The following TRAPPC9 variants were observed in gnomAD, a reference collection of about 807,000 sequenced individuals.
TRAPPC9 encodes the protein trafficking protein particle complex subunit 9, also known as IKK2 binding protein.
A neutral mutation model predicts 124.0 loss-of-function variants in TRAPPC9; 83 were observed. That is an observed-to-expected ratio of 0.67 (90% CI 0.56 to 0.80). The LOEUF (loss-of-function observed/expected upper bound fraction) is 0.80, where lower values mean the gene tolerates loss of function less well. Ranked by LOEUF, TRAPPC9 falls within the 30% of genes least tolerant of loss-of-function variation. TRAPPC9 has a pLI of 0.00. For missense variants in TRAPPC9, 1,302 were observed against 1,508.3 expected (o/e 0.86, Z 2.27); for synonymous variants, 638 against 617.5 (o/e 1.03, Z -0.49).
intron 5 of TRAPPC9, among the ~76,000 whole-genome samples, chr8:140,407,785 C>T (rs537632774): frequency 6.6e-6 from 1 of 152,198 alleles, no homozygotes; most frequent in Middle Eastern, 3.4e-3. Context: ...GCAAGCCCCA[C>T]TAATTTTTGT....
At chr8:140,014,881 C>G in intron 18 of TRAPPC9, among the ~76,000 whole-genome samples, 1 of 152,200 alleles carries the variant, frequency 6.6e-6, no homozygotes, top group East Asian at 1.9e-4. Flanking sequence ...AGGGCATGCC[C>G]TGGAGTCTAG....
At chr8:140,238,129 C>T (rs753676120) in intron 16 of TRAPPC9, among the ~76,000 whole-genome samples, 1 of 152,170 alleles carries the variant, frequency 6.6e-6, no homozygotes, top group Non-Finnish European at 1.5e-5. Flanking sequence ...GCGGAAAGGG[C>T]AGTAATGAGA....
intron 21 of TRAPPC9, among the ~76,000 whole-genome samples, chr8:139,850,469 G>A (rs766618422): frequency 6.6e-6 from 1 of 152,188 alleles, no homozygotes; most frequent in Non-Finnish European, 1.5e-5. Flanking sequence ...CCTTGTCCTG[G>A]GGAGAAACTG....
chr8:140,132,548 C>G (rs1369764390), intron 17 of TRAPPC9, among the ~76,000 whole-genome samples: 3 of 152,184 alleles, frequency 2.0e-5, no homozygotes, highest in Admixed American at 6.6e-5. Flanking sequence ...CCCACCAACG[C>G]AGAGCTTGAC....
At chr8:140,114,174 A>G (rs529776527) in intron 17 of TRAPPC9, among the ~76,000 whole-genome samples, 3 of 152,120 alleles carry the variant, frequency 2.0e-5, no homozygotes, top group East Asian at 1.9e-4. Context: ...CCTGTTTCCA[A>G]TCCCCTCACC....
At chr8:139,814,106 CAAG>C (rs1331191154) in intron 21 of TRAPPC9, among the ~76,000 whole-genome samples, 12 of 152,248 alleles carry the variant, frequency 7.9e-5, no homozygotes, top group Non-Finnish European at 1.5e-5. Flanking sequence ...CGAAGCCCGG[CAAG>C]AAGAATCACG....
At chr8:139,874,993 G>A (rs538816295) in intron 21 of TRAPPC9, among the ~76,000 whole-genome samples, 31 of 152,326 alleles carry the variant, frequency 2.0e-4, no homozygotes, top group African/African-American at 7.2e-4. Flanking sequence ...GAACAGATGA[G>A]GGGACGCTGG....
intron 15 of TRAPPC9, among the ~76,000 whole-genome samples, chr8:140,266,199 G>C (rs2064646913): frequency 6.6e-6 from 1 of 152,166 alleles, no homozygotes; most frequent in Non-Finnish European, 1.5e-5. Context: ...GGTCACGCCT[G>C]TAATACAGGA....
intron 21 of TRAPPC9, among the ~76,000 whole-genome samples, chr8:139,802,170 G>A (rs1175748249): frequency 6.6e-6 from 1 of 152,218 alleles, no homozygotes; most frequent in Admixed American, 6.5e-5. Context: ...CTCTGTGCCA[G>A]GCGGGGAGCA....
intron 9 of TRAPPC9, among the ~76,000 whole-genome samples, chr8:140,329,298 T>G (rs886408725): frequency 6.6e-6 from 1 of 152,194 alleles, no homozygotes; most frequent in South Asian, 2.1e-4. Context: ...GAGAAACATC[T>G]GTTGGGATCA....
intron 19 of TRAPPC9, among the ~76,000 whole-genome samples, chr8:139,911,960 G>A (rs377635052): frequency 3.9e-5 from 6 of 152,046 alleles, no homozygotes; most frequent in Non-Finnish European, 7.4e-5. Flanking sequence ...CATGACATGC[G>A]GGGCTGAGCC....
chr8:139,787,170 G>A (rs1157924580), intron 21 of TRAPPC9, among the ~76,000 whole-genome samples: 3 of 152,176 alleles, frequency 2.0e-5, no homozygotes, highest in Admixed American at 6.5e-5. Context: ...GCTGACGGGC[G>A]TGAGTGAGTG....
At chr8:140,253,012 C>T in intron 15 of TRAPPC9, 83 bp from the exon 16 acceptor site, 2 of 1,384,494 alleles carry the variant, frequency 1.4e-6, no homozygotes, top group Admixed American at 1.8e-5. Context: ...AATTCTGATG[C>T]ATTCTCAAAA....
chr8:140,306,492 C>CAA (rs11447991), intron 10 of TRAPPC9, among the ~76,000 whole-genome samples: 3,624 of 115,178 alleles, frequency 0.031, 170 homozygotes, highest in African/African-American at 0.1. Flanking sequence ...GACTCTGTCT[C>CAA]AAAAAAAAAA....
At chr8:140,102,867 C>G (rs535348727) in intron 17 of TRAPPC9, among the ~76,000 whole-genome samples, 1 of 152,290 alleles carries the variant, frequency 6.6e-6, no homozygotes, top group East Asian at 1.9e-4. Flanking sequence ...CCCCACTGAG[C>G]GAGGGGCTGG....
At chr8:140,033,679 T>TTTTTG (rs1840677538) in intron 17 of TRAPPC9, among the ~76,000 whole-genome samples, 3 of 113,700 alleles carry the variant, frequency 2.6e-5, no homozygotes, top group African/African-American at 7.6e-5. Flanking sequence ...TTTTTTTTTT[T>TTTTTG]TTTTTTTTTT....
chr8:140,213,275 ATTTTGTGTCT>A (rs1479342154), intron 17 of TRAPPC9, among the ~76,000 whole-genome samples: 2 of 152,038 alleles, frequency 1.3e-5, no homozygotes, highest in African/African-American at 4.8e-5. Flanking sequence ...AAGCATTGGT[ATTTTGTGTCT>A]TCTAAGGAAT....
intron 9 of TRAPPC9, among the ~76,000 whole-genome samples, chr8:140,358,739 G>A (rs74836722): frequency 2.6e-5 from 4 of 152,178 alleles, no homozygotes; most frequent in African/African-American, 4.8e-5. Flanking sequence ...CAGCAGTGAC[G>A]GCACAGCACT....
chr8:140,304,539 C>T (rs551479693), intron 10 of TRAPPC9, among the ~76,000 whole-genome samples: 1 of 152,258 alleles, frequency 6.6e-6, no homozygotes, highest in East Asian at 1.9e-4. Flanking sequence ...CCAGGCCTTC[C>T]TTCAGGTGGA....
Sources: gnomAD v4.1 joint callset for allele counts (sites outside exome capture counted in the v4.1 genomes callset) on GRCh38, gnomAD v4.1.1 for gene constraint, MANE v1.5 for transcripts, NCBI Gene and HGNC (gene_info 2026-07-23, HGNC 2026-07-21) for gene names.